The following SPATA17 variants were observed in gnomAD, a reference collection of about 807,000 sequenced individuals.
SPATA17 encodes spermatogenesis-associated protein 17.
In SPATA17, 53 loss-of-function variants were observed where a neutral mutation model predicts 62.2. The observed-to-expected ratio is 0.85, with a 90% CI of 0.68 to 1.07. The LOEUF (loss-of-function observed/expected upper bound fraction) is 1.07. SPATA17 is among the 50% of genes least tolerant of loss of function. SPATA17 has a pLI of 0.00. For missense variants in SPATA17, 466 were observed against 425.5 expected (o/e 1.10, Z -0.84); for synonymous variants, 146 against 146.8 (o/e 0.99, Z 0.04).
At chr1:217,675,764 A>T (rs1392833037) in intron 4 of SPATA17, among the ~76,000 whole-genome samples, 2 of 152,216 alleles carry the variant, frequency 1.3e-5, no homozygotes, top group Non-Finnish European at 2.9e-5. Flanking sequence ...AACTTAAAAT[A>T]TGAGGAAAGG....
chr1:217,816,490 T>C (rs1674720194), intron 9 of SPATA17, among the ~76,000 whole-genome samples: 1 of 151,788 alleles, frequency 6.6e-6, no homozygotes, highest in African/African-American at 2.4e-5. Context: ...TCTTTTACTT[T>C]ATAATCTTTT....
At chr1:217,634,696 C>T (rs1423715196) in intron 1 of SPATA17, among the ~76,000 whole-genome samples, 2 of 152,110 alleles carry the variant, frequency 1.3e-5, no homozygotes, top group African/African-American at 4.8e-5. Context: ...GGGGGTTTGC[C>T]TTGGGAAAGG....
intron 9 of SPATA17, among the ~76,000 whole-genome samples, chr1:217,853,638 TA>T (rs1284995650): frequency 6.6e-6 from 1 of 152,198 alleles, no homozygotes; most frequent in East Asian, 1.9e-4. Context: ...AATTGGTGAA[TA>T]ACGAACCATT....
chr1:217,665,742 G>A (rs536670978), intron 3 of SPATA17, among the ~76,000 whole-genome samples: 15 of 152,234 alleles, frequency 9.9e-5, no homozygotes, highest in African/African-American at 3.4e-4. Flanking sequence ...AACCTCTGTG[G>A]TCTAATTCCA....
chr1:217,863,119 CTTTTTTTTTTTTT>C (rs35673625), intron 10 of SPATA17, among the ~76,000 whole-genome samples: 1 of 111,860 alleles, frequency 8.9e-6, no homozygotes, highest in Admixed American at 1.1e-4. Flanking sequence ...AATACTCTTT[CTTTTTTTTTTTTT>C]TTTTTTTTGA....
intron 9 of SPATA17, among the ~76,000 whole-genome samples, chr1:217,849,123 T>G (rs1675590409): frequency 6.6e-6 from 1 of 152,210 alleles, no homozygotes. Flanking sequence ...TAAATTGGTT[T>G]TTTGTTTGTT....
intron 5 of SPATA17, among the ~76,000 whole-genome samples, chr1:217,702,742 C>T (rs1393987729): frequency 6.6e-6 from 1 of 152,064 alleles, no homozygotes; most frequent in Non-Finnish European, 1.5e-5. Context: ...ATTTTTTCAG[C>T]TGGGTCTGTG....
chr1:217,821,169 G>A (rs1050453795), intron 9 of SPATA17, among the ~76,000 whole-genome samples: 1 of 152,070 alleles, frequency 6.6e-6, no homozygotes, highest in Non-Finnish European at 1.5e-5. Flanking sequence ...TCTCAACATC[G>A]CCACACTGGG....
chr1:217,642,146 T>A (rs1465301013), intron 1 of SPATA17, among the ~76,000 whole-genome samples: 1 of 152,198 alleles, frequency 6.6e-6, no homozygotes, highest in Non-Finnish European at 1.5e-5. Flanking sequence ...TGATTTTGAC[T>A]TGTCCCATGA....
chr1:217,731,962 C>A (rs1290808802), intron 5 of SPATA17, among the ~76,000 whole-genome samples: 1 of 152,070 alleles, frequency 6.6e-6, no homozygotes, highest in Non-Finnish European at 1.5e-5. Context: ...ATTTTTAAAT[C>A]ACTTTTTAAT....
At chr1:217,636,922 A>G (rs1449419142) in intron 1 of SPATA17, among the ~76,000 whole-genome samples, 1 of 152,222 alleles carries the variant, frequency 6.6e-6, no homozygotes, top group Non-Finnish European at 1.5e-5. Context: ...AACAATATGT[A>G]AGAAGAAATC....
At chr1:217,738,674 G>T (rs540559612) in intron 5 of SPATA17, among the ~76,000 whole-genome samples, 1 of 152,270 alleles carries the variant, frequency 6.6e-6, no homozygotes, top group Non-Finnish European at 1.5e-5. Flanking sequence ...GCTCTTGGCC[G>T]GGTGCGATGG....
intron 5 of SPATA17, among the ~76,000 whole-genome samples, chr1:217,735,066 T>C (rs1373863289): frequency 8.5e-5 from 13 of 152,192 alleles, no homozygotes; most frequent in Admixed American, 8.5e-4. Context: ...TGAAATATAC[T>C]AGTCAACTGA....
At chr1:217,835,185 A>ACTAT (rs1462874917) in intron 9 of SPATA17, among the ~76,000 whole-genome samples, 8 of 152,054 alleles carry the variant, frequency 5.3e-5, no homozygotes, top group African/African-American at 1.9e-4. Flanking sequence ...TGACTATATG[A>ACTAT]GTTTTCCAAG....
At chr1:217,742,987 G>A (rs979627570) in intron 6 of SPATA17, among the ~76,000 whole-genome samples, 66 of 151,146 alleles carry the variant, frequency 4.4e-4, no homozygotes, top group African/African-American at 1.5e-3. Flanking sequence ...TGGGCTGGCC[G>A]TCTACATTTG....
chr1:217,850,621 C>T (rs190621455), intron 9 of SPATA17: 46 of 1,592,762 alleles, frequency 2.9e-5, no homozygotes, highest in African/African-American at 5.4e-5. Flanking sequence ...AGGGTCTTCA[C>T]GAAGATCTGC....
intron 9 of SPATA17, among the ~76,000 whole-genome samples, chr1:217,808,371 ACACACACACACCCC>A (rs755270333): frequency 1.3e-4 from 12 of 95,412 alleles, no homozygotes; most frequent in East Asian, 2.4e-4. Context: ...ACACACACAC[ACACACACACACCCC>A]CCTCAGAATT....
At chr1:217,808,624 T>C (rs1320200068) in intron 9 of SPATA17, among the ~76,000 whole-genome samples, 31 of 151,944 alleles carry the variant, frequency 2.0e-4, no homozygotes, top group Admixed American at 2.0e-3. Context: ...GAGGCCGAGG[T>C]GGGCAGATCC....
chr1:217,791,605 A>C (rs1407363067), intron 8 of SPATA17, among the ~76,000 whole-genome samples: 2 of 152,236 alleles, frequency 1.3e-5, no homozygotes, highest in African/African-American at 4.8e-5. Context: ...TAAGATTTTA[A>C]AAATCTATAC....
Sources: gnomAD v4.1 joint callset for allele counts (sites outside exome capture counted in the v4.1 genomes callset) on GRCh38, gnomAD v4.1.1 for gene constraint, MANE v1.5 for transcripts, NCBI Gene and HGNC (gene_info 2026-07-23, HGNC 2026-07-21) for gene names.